The following SLC25A48 variants were observed in gnomAD, a reference collection of about 807,000 sequenced individuals.
SLC25A48 encodes solute carrier family 25 member 48.
Under a neutral mutation model 32.2 loss-of-function variants are expected in SLC25A48, and 29 were observed. The ratio of observed to expected loss-of-function variants is 0.90; its 90% CI spans 0.67 to 1.23. SLC25A48 has a LOEUF of 1.23. Among genes scored for constraint, SLC25A48 ranks in the 50% most tolerant of loss-of-function variants. SLC25A48 has a pLI of 0.00. For missense variants in SLC25A48, 399 were observed against 422.7 expected (o/e 0.94, Z 0.49); for synonymous variants, 164 against 172.3 (o/e 0.95, Z 0.38).
chr5:135,812,174 CTT>C (rs1757604102), intron 3 of SLC25A48, among the ~76,000 whole-genome samples: 3 of 151,930 alleles, frequency 2.0e-5, no homozygotes, highest in Admixed American at 6.6e-5. Flanking sequence ...ATTTTTTAAG[CTT>C]CTATGGGTAC....
intron 3 of SLC25A48, among the ~76,000 whole-genome samples, chr5:135,659,960 G>A (rs1753354266): frequency 6.6e-6 from 1 of 152,232 alleles, no homozygotes; most frequent in Admixed American, 6.5e-5. Context: ...AGTTCAACAT[G>A]TGATTTGGGT....
At chr5:135,852,346 G>T (rs1464169563) in intron 3 of SLC25A48, among the ~76,000 whole-genome samples, 1 of 152,202 alleles carries the variant, frequency 6.6e-6, no homozygotes. Flanking sequence ...CAACCCACAG[G>T]AAACAAAGCG....
At chr5:135,730,949 G>A (rs1462490836) in intron 3 of SLC25A48, among the ~76,000 whole-genome samples, 2 of 152,166 alleles carry the variant, frequency 1.3e-5, no homozygotes, top group Non-Finnish European at 1.5e-5. Context: ...GAGATCTTCC[G>A]GCCCCAACCA....
intron 1 of SLC25A48, among the ~76,000 whole-genome samples, chr5:135,836,482 T>G (rs926384976): frequency 6.6e-6 from 1 of 152,206 alleles, no homozygotes; most frequent in African/African-American, 2.4e-5. Flanking sequence ...CAAGGTTTAT[T>G]TTATGTATTA....
chr5:135,647,822 T>G (rs58889313), intron 3 of SLC25A48, among the ~76,000 whole-genome samples: 1 of 152,162 alleles, frequency 6.6e-6, no homozygotes, highest in South Asian at 2.1e-4. Flanking sequence ...GGCCCTAGCT[T>G]TCTTTGTAGT....
chr5:135,717,370 G>A (rs151228854), intron 3 of SLC25A48, among the ~76,000 whole-genome samples: 1 of 152,166 alleles, frequency 6.6e-6, no homozygotes, highest in Non-Finnish European at 1.5e-5. Context: ...ACTCCAGGCT[G>A]TCTTGTACCA....
intron 1 of SLC25A48, among the ~76,000 whole-genome samples, chr5:135,836,991 A>G (rs1453673153): frequency 1.1e-5 from 1 of 91,292 alleles, no homozygotes; most frequent in Non-Finnish European, 2.0e-5. Context: ...CCACACACAC[A>G]CACATTTTGT....
chr5:135,734,547 G>C (rs987078533), intron 3 of SLC25A48, among the ~76,000 whole-genome samples: 3 of 152,042 alleles, frequency 2.0e-5, no homozygotes, highest in African/African-American at 7.2e-5. Flanking sequence ...AGGGGAAGGG[G>C]CCGGGTGCGG....
rs377091924 is a variant in SLC25A48, at chr5:135,842,510, C to T, written c.90+51C>T. ...CTCTTAAAAAGAGGCATGGAGCTGA[C>T]CTGCCTCTGGGACTATTCCTGCTGT... On this transcript the variant is annotated intron_variant, in intron 2 of 7. Transcript: ENST00000681962. 2.1e-5 allele frequency: 33 copies of T among 1,552,414 alleles called. No homozygotes were observed. In the African/African-American group the frequency reaches 3.9e-4, roughly 18 times the overall value.
chr5:135,672,943 T>C (rs1753688958), intron 3 of SLC25A48, among the ~76,000 whole-genome samples: 1 of 152,324 alleles, frequency 6.6e-6, no homozygotes, highest in Non-Finnish European at 1.5e-5. Flanking sequence ...TATAGATTAA[T>C]TTGCATTTTC....
intron 3 of SLC25A48, among the ~76,000 whole-genome samples, chr5:135,799,615 T>C (rs1757272491): frequency 6.6e-6 from 1 of 151,630 alleles, no homozygotes; most frequent in Admixed American, 6.6e-5. Flanking sequence ...TTGCAGGGGC[T>C]GGTCACCCAC....
chr5:135,643,729 T>C (rs1320384093), intron 3 of SLC25A48, among the ~76,000 whole-genome samples: 1 of 152,142 alleles, frequency 6.6e-6, no homozygotes, highest in Non-Finnish European at 1.5e-5. Context: ...AGCTCCCAGG[T>C]TAGTGAGCAG....
rs772012516 is a variant in SLC25A48 at position 135,842,397 on chromosome 5, A to G, written c.47-19A>G. 26 of 1,613,524 alleles carry G rather than the reference A, an allele frequency of 1.6e-5. No homozygotes were observed. In the Admixed American group the frequency reaches 4.0e-4, roughly 25 times the overall value. On this transcript the variant is annotated intron_variant, in intron 1 of 7. Transcript: ENST00000681962. Reference sequence around the variant, plus strand: ...GAGTCCAAGGGCTGAGTTACTAGGCATTCTTTTTTGATCCACAGGTGCAGC... The same window carrying G: ...GAGTCCAAGGGCTGAGTTACTAGGCGTTCTTTTTTGATCCACAGGTGCAGC...
chr5:135,788,315 G>A (rs1045886607), intron 3 of SLC25A48, among the ~76,000 whole-genome samples: 6 of 148,846 alleles, frequency 4.0e-5, no homozygotes, highest in African/African-American at 1.2e-4. Context: ...CGTAATATCC[G>A]GGGGGAGAGA....
intron 4 of SLC25A48, chr5:135,824,921 C>A (rs1757991378): frequency 6.6e-6 from 1 of 152,286 alleles, no homozygotes; most frequent in South Asian, 2.1e-4. Flanking sequence ...CCTGGACAGG[C>A]CCCTCTCAGG....
intron 4 of SLC25A48, among the ~76,000 whole-genome samples, chr5:135,859,692 T>C (rs1208049721): frequency 6.6e-6 from 1 of 152,168 alleles, no homozygotes; most frequent in East Asian, 1.9e-4. Context: ...CATGCAATCA[T>C]AGAGGTGTGG....
chr5:135,632,118 T>C lies in SLC25A48; in HGVS notation c.-708-2651T>C, dbSNP rs141754745. 4.1e-3 allele frequency among the ~76,000 whole-genome samples: 630 copies of C among 152,326 alleles called. 7 individuals are homozygous for C. Among genetic ancestry groups the C allele is most frequent in the African/African-American group, 0.014 (568 of 41,568 alleles). The stretch of plus-strand genomic sequence containing the variant: ...GCCTGATTGTCTTTTGCAGCATCCT[T>C]TGGAGGCCCGATCCATGGTGACATC... On this transcript the variant is annotated intron_variant, in intron 2 of 10. Transcript: ENST00000646290.
chr5:135,852,706 G>T lies in SLC25A48; in HGVS notation c.306G>T (p.Thr102=). ...AGCCAGAGGCCAGTCCTCCCCGCAC[G>T]CTGTCAGACCTGCTCCTGGCCAGCA... is the stretch of plus-strand genomic sequence containing the variant. ...CGEPEASPPR[T]LSDLLLASMV... is the part of the protein sequence containing the mutation. The change falls in exon 4 of 8, where the codon ACG becomes ACT. Residue 102 remains threonine (T), a synonymous_variant. Coordinates refer to ENST00000681962, the MANE Select transcript of SLC25A48 (RefSeq NM_001349336.2). 6.2e-7 allele frequency: 1 copy of T among 1,614,164 alleles called. No individual in the cohort carries two copies. The highest frequency in any genetic ancestry group is 8.5e-7 in the Non-Finnish European group (1 of 1,180,028).
At chr5:135,676,298 C>G (rs1279679444) in intron 3 of SLC25A48, among the ~76,000 whole-genome samples, 1 of 151,790 alleles carries the variant, frequency 6.6e-6, no homozygotes, top group African/African-American at 2.4e-5. Flanking sequence ...CTCTGATGAT[C>G]TTTTGTATTT....
Sources: gnomAD v4.1 joint callset for allele counts (sites outside exome capture counted in the v4.1 genomes callset) on GRCh38, gnomAD v4.1.1 for gene constraint, MANE v1.5 for transcripts, NCBI Gene and HGNC (gene_info 2026-07-23, HGNC 2026-07-21) for gene names.